SPG11: variants seen among roughly 807,000 people sequenced by gnomAD.
SPG11 encodes the protein spatacsin.
Under a neutral mutation model 274.0 loss-of-function variants are expected in SPG11, and 222 were observed. The ratio of observed to expected loss-of-function variants is 0.81; its 90% CI spans 0.73 to 0.91. The LOEUF is 0.91. Ranked by LOEUF, SPG11 falls within the 40% of genes least tolerant of loss-of-function variation. The probability of loss-of-function intolerance (pLI) is 0.00; values close to 1 mark genes in which losing one functional copy is unlikely to be tolerated. For missense variants in SPG11, 3,114 were observed against 2,872.7 expected (o/e 1.08, Z -1.92); for synonymous variants, 1,144 against 1,039.7 (o/e 1.10, Z -1.93).
At position 44,651,538 on chromosome 15, in the gene SPG11, ATACACTTT is replaced by A; in HGVS notation, c.1401_1408del (p.Lys468SerfsTer5). 1 of 1,614,176 alleles carries A rather than the reference ATACACTTT, an allele frequency of 6.2e-7. No individual in the cohort carries two copies. On this transcript the variant is annotated frameshift_variant, in exon 6 of 40. Transcript: ENST00000261866. LOFTEE classifies it high-confidence loss of function. ...CTGGTCTCCACTACTGTCTACAGGA[ATACACTTT>A]GTGCCAAGGGAAAAACACTGCATGC...
intron 8 of SPG11, among the ~76,000 whole-genome samples, chr15:44,632,764 C>T (rs996591575): frequency 3.3e-5 from 5 of 152,188 alleles, no homozygotes; most frequent in Non-Finnish European, 7.4e-5. Flanking sequence ...CCACCTTGGC[C>T]CCTAAAGTGT....
chr15:44,585,471 G>C (rs955209273), intron 29 of SPG11, among the ~76,000 whole-genome samples, 165 bp downstream of exon 29: 1 of 150,938 alleles, frequency 6.6e-6, no homozygotes, highest in Non-Finnish European at 1.5e-5. Context: ...GCATGGTGGT[G>C]GGCACCTGTA....
In SPG11 at chr15:44,574,829, A is replaced by G. The variant is rs2140931162; in HGVS notation, c.6006+73T>C. ...TATCATCTAAAAGGCTGACTTGGCA[A>G]TGTCCAAAATCAACCTCAAACTTCT... On this transcript the variant is annotated intron_variant, in intron 31 of 39. Coordinates refer to ENST00000261866, the MANE Select transcript of SPG11 (RefSeq NM_025137.4). 1.2e-5 allele frequency: 19 copies of G among 1,529,902 alleles called. No homozygotes were observed. The South Asian group carries it at 1.9e-4, about 15-fold the overall frequency. 94.8% of individuals were successfully genotyped at this position (1,529,902 alleles called of 1,614,324 possible). A position where few individuals can be genotyped will look rare whatever the true frequency, so the allele number is the denominator to read the frequency against.
intron 7 of SPG11, among the ~76,000 whole-genome samples, chr15:44,637,933 T>C (rs188886080): frequency 2.4e-4 from 37 of 152,286 alleles, no homozygotes; most frequent in Admixed American, 9.8e-4. Context: ...GGACAAGATG[T>C]AGAGGTGGAA....
At chr15:44,597,547 T>C (rs1251651534) in intron 23 of SPG11, among the ~76,000 whole-genome samples, 4 of 152,322 alleles carry the variant, frequency 2.6e-5, no homozygotes, top group Middle Eastern at 3.4e-3. Flanking sequence ...ACTGAGGAAG[T>C]TGTCAGTCAA....
intron 7 of SPG11, among the ~76,000 whole-genome samples, chr15:44,648,474 C>G (rs1181533591): frequency 6.8e-6 from 1 of 147,230 alleles, no homozygotes; most frequent in Non-Finnish European, 1.5e-5. Flanking sequence ...GATTGCACCA[C>G]TGCACTCCAG....
At chr15:44,608,263 T>C (rs1173251886) in intron 19 of SPG11, among the ~76,000 whole-genome samples, 181 bp downstream of exon 19, 1 of 152,212 alleles carries the variant, frequency 6.6e-6, no homozygotes, top group African/African-American at 2.4e-5. Flanking sequence ...GGGGTGATGA[T>C]GGCTTTCTAT....
chr15:44,567,547 G>A lies in SPG11; in HGVS notation c.6631C>T (p.Arg2211Cys), dbSNP rs148260507. 40 of 1,613,824 alleles carry A rather than the reference G, an allele frequency of 2.5e-5. No homozygotes were observed. The highest frequency in any genetic ancestry group is 4.5e-5 in the East Asian group (2 of 44,886). Reference protein sequence around the residue: ...TALLDYIKRCRPGDSEKHNMI... With the variant: ...TALLDYIKRCCPGDSEKHNMI... ...TTGTGCTTTTCACTGTCTCCAGGAC[G>A]GCAGCGTTTGATGTAGTCCAGCAGG... Residue 2211 changes from arginine to cysteine, a missense_variant, in exon 36 of 40, where the codon CGT (arginine) becomes TGT (cysteine). Physicochemically the swap from Arg to Cys is radical, Grantham distance 180. Coordinates refer to ENST00000261866, the MANE Select transcript of SPG11 (RefSeq NM_025137.4).
At position 44,563,094 on chromosome 15, in the gene SPG11, C is replaced by T. The variant is rs375706902; in HGVS notation, c.*27G>A. On this transcript the variant is annotated 3_prime_UTR_variant, in exon 40 of 40. Transcript: ENST00000261866. ...CATCTGTCAGAATCTGCTAACAGTA[C>T]AAGAAAACAGACACCTATGAAATCA... 3.7e-6 allele frequency: 6 copies of T among 1,610,726 alleles called. No individual in the cohort carries two copies. Among genetic ancestry groups the T allele is most frequent in the South Asian group, 3.3e-5 (3 of 90,974 alleles).
intron 38 of SPG11, among the ~76,000 whole-genome samples, chr15:44,564,966 T>G (rs1382193488): frequency 6.6e-6 from 1 of 152,088 alleles, no homozygotes; most frequent in Non-Finnish European, 1.5e-5. Flanking sequence ...CAGAAATTCC[T>G]GGGCTCAAGA....
intron 7 of SPG11, among the ~76,000 whole-genome samples, chr15:44,639,601 C>G (rs1278785742): frequency 6.6e-6 from 1 of 151,870 alleles, no homozygotes; most frequent in African/African-American, 2.4e-5. Context: ...TACTCAGAGG[C>G]TCACATGGGG....
At position 44,574,808 on chromosome 15, in the gene SPG11, A is replaced by C. The variant is rs2082499229; in HGVS notation, c.6006+94T>G. On this transcript the variant is annotated intron_variant, in intron 31 of 39. Coordinates refer to ENST00000261866, the MANE Select transcript of SPG11 (RefSeq NM_025137.4). The stretch of plus-strand genomic sequence containing the variant: ...GCTCTACTCCCAGGTCATGATTATC[A>C]TCTAAAAGGCTGACTTGGCAATGTC... 6.2e-6 allele frequency: 9 copies of C among 1,453,454 alleles called. No homozygotes were observed. The South Asian group carries it at 1.0e-4, about 17-fold the overall frequency. The allele number at this position is 1,453,454 out of a possible 1,614,324, so 90.0% of individuals were successfully genotyped here. A position where few individuals can be genotyped will look rare whatever the true frequency, so the allele number is the denominator to read the frequency against.
At chr15:44,622,686 C>A (rs771285045) in intron 12 of SPG11, 42 bp downstream of exon 12, 2 of 1,500,920 alleles carry the variant, frequency 1.3e-6, no homozygotes, top group South Asian at 2.3e-5. Context: ...TTCACCCAGG[C>A]TTTCTAGAAA....
At chr15:44,585,936 T>A in intron 28 of SPG11, 86 bp from the exon 29 acceptor site, 1 of 1,097,598 alleles carries the variant, frequency 9.1e-7, no homozygotes, top group Non-Finnish European at 1.4e-6. Context: ...AGGGGGAAAA[T>A]ATACGTGTTT....
At chr15:44,570,149 G>A (rs372278775) in intron 34 of SPG11, among the ~76,000 whole-genome samples, 2 of 152,180 alleles carry the variant, frequency 1.3e-5, no homozygotes, top group Admixed American at 1.3e-4. Flanking sequence ...GAGAATTTAG[G>A]GAGGCACATG....
chr15:44,571,499 T>TC (rs1354872529), intron 33 of SPG11, among the ~76,000 whole-genome samples: 9 of 146,822 alleles, frequency 6.1e-5, no homozygotes, highest in South Asian at 2.2e-4. Context: ...TTCTTTTCTT[T>TC]TTTTTTTTTT....
In SPG11 at chr15:44,565,944, G is replaced by A. The variant is rs1309013704; in HGVS notation, c.6909C>T (p.His2303=). 1 of 1,614,022 alleles carries A rather than the reference G, an allele frequency of 6.2e-7. No individual in the cohort carries two copies. The highest frequency in any genetic ancestry group is 1.7e-5 in the Admixed American group (1 of 60,002). ...TTGTGTTCTGGCCAGTGTTCAGAAA[G>A]TGAATCTGCAGAGTTATCAACTTGG... ...RLTKLITLQI[H]FLNTGQNTML... Residue 2303 remains histidine, a synonymous_variant, in exon 38 of 40, where the codon CAC becomes CAT. Transcript: ENST00000261866.
At chr15:44,631,604 GAAGA>G (rs1056821046) in intron 8 of SPG11, among the ~76,000 whole-genome samples, 3 of 149,670 alleles carry the variant, frequency 2.0e-5, no homozygotes, top group African/African-American at 7.3e-5. Flanking sequence ...TTTGTAAGAT[GAAGA>G]GAGACAGAAT....
intron 34 of SPG11, among the ~76,000 whole-genome samples, chr15:44,570,212 C>G (rs2082392403): frequency 6.6e-6 from 1 of 152,194 alleles, no homozygotes; most frequent in African/African-American, 2.4e-5. Context: ...AGGTCCAAAC[C>G]TTGTTTTGGG....
Sources: allele counts gnomAD v4.1 joint callset (sites outside exome capture counted in the v4.1 genomes callset), GRCh38; gene constraint gnomAD v4.1.1; transcripts MANE v1.5; gene names NCBI Gene and HGNC (gene_info 2026-07-23, HGNC 2026-07-21).